Variants in CAT observed in about 807,000 individuals in gnomAD.
The protein encoded by CAT is epididymis secretory sperm binding protein.
In CAT, 43 loss-of-function variants were observed where a neutral mutation model predicts 59.0. The ratio of observed to expected loss-of-function variants is 0.73; its 90% CI spans 0.57 to 0.94. The LOEUF (loss-of-function observed/expected upper bound fraction) is 0.94. Among genes scored for constraint, CAT ranks in the 40% least tolerant of loss-of-function variants. The probability of loss-of-function intolerance (pLI) is 0.00; values close to 1 mark genes in which losing one functional copy is unlikely to be tolerated. For synonymous variants in CAT, 218 were observed against 230.9 expected, an observed-to-expected ratio of 0.94 and a Z score of 0.51; for missense variants, 664 against 682.9, an observed-to-expected ratio of 0.97 and a Z score of 0.31.
intron 1 of CAT, 125 bp from the exon 2 acceptor site, chr11:34,449,067 T>A (rs34964953): frequency 3.5e-6 from 3 of 851,040 alleles, no homozygotes; most frequent in Admixed American, 4.2e-5. Flanking sequence ...TTTAGTACTT[T>A]GGACACAGGA....
chr11:34,458,723 C>T (rs911563105), intron 8 of CAT, among the ~76,000 whole-genome samples: 1 of 152,174 alleles, frequency 6.6e-6, no homozygotes, highest in African/African-American at 2.4e-5. Flanking sequence ...CACCATGGGT[C>T]TCTGGAACCA....
rs1856482132 is a variant in CAT at position 34,448,200 on chromosome 11, C to A, written c.67-992C>A. Among the ~76,000 whole-genome samples, 3 of 152,154 alleles carry A rather than the reference C, an allele frequency of 2.0e-5. No individual in the cohort carries two copies. In the South Asian group the frequency reaches 6.2e-4, roughly 32 times the overall value. On this transcript the variant is annotated intron_variant, in intron 1 of 12. Coordinates refer to ENST00000241052, the MANE Select transcript of CAT (RefSeq NM_001752.4). ...TGCATGGGGAGTAAAACTACAGACT[C>A]CACTCTAGGTGTGTGGAAATACTAA...
intron 10 of CAT, 124 bp downstream of exon 10, chr11:34,464,359 A>G (rs1379433745): frequency 9.8e-7 from 1 of 1,017,466 alleles, no homozygotes; most frequent in African/African-American, 1.6e-5. Flanking sequence ...TTCAAGGAAG[A>G]CTCATCTGTA....
At chr11:34,446,214 T>C (rs571448201) in intron 1 of CAT, among the ~76,000 whole-genome samples, 1 of 152,302 alleles carries the variant, frequency 6.6e-6, no homozygotes, top group African/African-American at 2.4e-5. Context: ...TGTTGCTGAC[T>C]GTTGAAGCTT....
chr11:34,469,975 T>G (rs1229644950), intron 11 of CAT, among the ~76,000 whole-genome samples: 2 of 152,170 alleles, frequency 1.3e-5, no homozygotes, highest in Non-Finnish European at 2.9e-5. Context: ...CTAGGTTGTA[T>G]GGGTTTTTTT....
At position 34,453,158 on chromosome 11, in the gene CAT, G is replaced by A. The variant is rs138711313; in HGVS notation, c.549G>A (p.Trp183Ter). 3.7e-6 allele frequency: 6 copies of A among 1,613,272 alleles called. No homozygotes were observed. In the African/African-American group the frequency reaches 6.7e-5, roughly 18 times the overall value. ...ATCTGAAGGATCCGGACATGGTCTG[G>A]GACTTCTGGAGCCTACGTCCTGAGT... ...QTHLKDPDMV[W>*]DFWSLRPESL... Residue 183 changes from tryptophan (W) to a stop codon, truncating the protein, a stop_gained, in exon 5 of 13, where the codon TGG (tryptophan) becomes TGA (stop). Coordinates refer to ENST00000241052, the MANE Select transcript of CAT (RefSeq NM_001752.4). LOFTEE classifies it high-confidence loss of function.
chr11:34,455,486 A>G (rs1279220002), intron 6 of CAT, among the ~76,000 whole-genome samples: 1 of 151,792 alleles, frequency 6.6e-6, no homozygotes, highest in Non-Finnish European at 1.5e-5. Flanking sequence ...AGGTGGCTGT[A>G]CTGAAGTTCT....
intron 10 of CAT, among the ~76,000 whole-genome samples, chr11:34,466,201 T>C (rs1856713301): frequency 1.3e-5 from 2 of 152,196 alleles, no homozygotes. Context: ...CTCTGCTCAG[T>C]CTCAGATTGG....
At chr11:34,462,012 A>G (rs1856657440) in intron 9 of CAT, among the ~76,000 whole-genome samples, 1 of 152,130 alleles carries the variant, frequency 6.6e-6, no homozygotes, top group Admixed American at 6.6e-5. Flanking sequence ...TTTGGAACTC[A>G]TTTATCAAAC....
At chr11:34,461,462 C>A in intron 9 of CAT, 73 bp downstream of exon 9, 2 of 1,560,720 alleles carry the variant, frequency 1.3e-6, no homozygotes, top group East Asian at 2.2e-5. Context: ...GAGGCCAGGC[C>A]AGTGGCTCTC....
chr11:34,451,716 A>G (rs1287177883), intron 3 of CAT, among the ~76,000 whole-genome samples: 1 of 152,232 alleles, frequency 6.6e-6, no homozygotes, highest in Non-Finnish European at 1.5e-5. Flanking sequence ...TGTTAACCTC[A>G]TCATTTTGAC....
intron 11 of CAT, chr11:34,470,742 G>C: frequency 1.7e-6 from 1 of 598,756 alleles, no homozygotes; most frequent in South Asian, 1.8e-5. Flanking sequence ...AGTAAGTTAA[G>C]TGACCTATCC....
chr11:34,447,954 G>C (rs565765789), intron 1 of CAT, among the ~76,000 whole-genome samples: 1 of 152,312 alleles, frequency 6.6e-6, no homozygotes, highest in East Asian at 1.9e-4. Flanking sequence ...TGCCATGTTG[G>C]CCTCTTCCTA....
At position 34,461,346 on chromosome 11, in the gene CAT, C is replaced by T. The variant is rs1856648517; in HGVS notation, c.1152C>T (p.Ala384=). The T allele has an allele frequency of 6.2e-7, 1 of 1,614,160 alleles. No individual in the cohort carries two copies. Among genetic ancestry groups the T allele is most frequent in the South Asian group, 1.1e-5 (1 of 91,088 alleles). The change falls in exon 9 of 13, where the codon GCC becomes GCT. Residue 384 remains alanine (A), a synonymous_variant. Transcript: ENST00000241052. The part of the protein sequence containing the change: ...PVNCPYRARV[A]NYQRDGPMCM... ...ACTGTCCCTACCGTGCTCGAGTGGC[C>T]AACTACCAGCGTGACGGCCCGATGT... is the stretch of plus-strand genomic sequence containing the variant.
chr11:34,447,751 A>G (rs1856475161), intron 1 of CAT, among the ~76,000 whole-genome samples: 2 of 152,226 alleles, frequency 1.3e-5, no homozygotes, highest in South Asian at 2.1e-4. Flanking sequence ...ATATGTGTTG[A>G]ATGTGTGGCT....
intron 1 of CAT, among the ~76,000 whole-genome samples, chr11:34,446,464 G>A (rs1317208265): frequency 6.6e-6 from 1 of 152,158 alleles, no homozygotes; most frequent in Non-Finnish European, 1.5e-5. Context: ...ACTCTTAATA[G>A]TCAGTGTCAT....
chr11:34,471,675 T>A lies in CAT; in HGVS notation c.*242T>A. The A allele has an allele frequency of 1.9e-6, 1 of 526,516 alleles. No individual in the cohort carries two copies. Among genetic ancestry groups the A allele is most frequent in the Non-Finnish European group, 3.4e-6 (1 of 293,188 alleles). 32.6% of individuals were successfully genotyped at this position (526,516 alleles called of 1,614,324 possible). ...TTGTTTTGACGGATGATTGGATTAT[T>A]CATTTAAAATGATTAGAAGGCAAGT... On this transcript the variant is annotated 3_prime_UTR_variant, in exon 13 of 13. Transcript: ENST00000241052.
intron 10 of CAT, among the ~76,000 whole-genome samples, chr11:34,467,803 GGC>G (rs1251936812): frequency 2.0e-5 from 3 of 151,934 alleles, no homozygotes; most frequent in Non-Finnish European, 4.4e-5. Context: ...AAGAAATATT[GGC>G]TTCTGAATAA....
At chr11:34,455,749 A>G (rs900756050) in intron 6 of CAT, among the ~76,000 whole-genome samples, 2 of 152,244 alleles carry the variant, frequency 1.3e-5, no homozygotes, top group Non-Finnish European at 2.9e-5. Flanking sequence ...AAATAATAGA[A>G]TACATAAAGG....
Sources: allele counts gnomAD v4.1 joint callset (sites outside exome capture counted in the v4.1 genomes callset), GRCh38; gene constraint gnomAD v4.1.1; transcripts MANE v1.5; gene names NCBI Gene and HGNC (gene_info 2026-07-23, HGNC 2026-07-21).